POLQ: variants seen among roughly 807,000 people sequenced by gnomAD.
POLQ encodes epididymis secretory sperm binding protein.
A neutral mutation model predicts 259.2 loss-of-function variants in POLQ; 233 were observed. That is an observed-to-expected ratio of 0.90 (90% CI 0.81 to 1.00). The LOEUF is 1.00. POLQ is among the 50% of genes least tolerant of loss of function. POLQ has a pLI of 0.00. For synonymous variants in POLQ, 1,025 were observed against 1,048.8 expected, an observed-to-expected ratio of 0.98 and a Z score of 0.44; for missense variants, 2,871 against 3,051.6, an observed-to-expected ratio of 0.94 and a Z score of 1.39.
chr3:121,469,687 A>G (rs1276608811), intron 22 of POLQ, among the ~76,000 whole-genome samples: 2 of 152,194 alleles, frequency 1.3e-5, no homozygotes, highest in Non-Finnish European at 2.9e-5. Context: ...ACTCTGGTCT[A>G]TTAGTTGAAT....
At chr3:121,450,116 C>T (rs1277067432) in intron 25 of POLQ, among the ~76,000 whole-genome samples, 1 of 152,140 alleles carries the variant, frequency 6.6e-6, no homozygotes, top group Non-Finnish European at 1.5e-5. Context: ...CAATTTGTAT[C>T]TTAATTTCTT....
Position 121,488,353 on chromosome 3 carries a change from C to G in POLQ, c.4578G>C (p.Leu1526=), listed in dbSNP as rs1015228755. ...TTTTAATTAGGTCTTCTTGTAGACA[C>G]AGAGAATCACTAAAATGGTTTGATG... ...EVTSNHFSDS[L]CLQEDLIKKS... The change falls in exon 16 of 30, where the codon CTG becomes CTC. Residue 1526 remains leucine, a synonymous_variant. Coordinates refer to ENST00000264233, the MANE Select transcript of POLQ (RefSeq NM_199420.4). 2.5e-6 allele frequency: 4 copies of G among 1,612,652 alleles called. No homozygotes were observed. The South Asian group carries it at 4.4e-5, about 18-fold the overall frequency.
At position 121,510,129 on chromosome 3, in the gene POLQ, A is replaced by G. The variant is rs2048242256; in HGVS notation, c.1726T>C (p.Ser576Pro). Residue 576 changes from serine to proline, a missense_variant, in exon 11 of 30, where the codon TCT (serine) becomes CCT (proline). Ser to Pro is a moderately conservative substitution (Grantham distance 74). Around this residue, in one of 3 missense-constraint regions of POLQ, gnomAD observed 783 missense variants for 906.2 expected, o/e 0.86. Transcript: ENST00000264233. ...GCCTCAATCGCTCCAAGCTGAACAG[A>G]CTCTTGATTTCTCTGAATTCCTTGC... The part of the protein sequence containing the change: ...GKQGIQRNQE[S>P]VQLGAIEACV... 1.2e-6 allele frequency: 2 copies of G among 1,613,838 alleles called. No individual in the cohort carries two copies. Among genetic ancestry groups the G allele is most frequent in the East Asian group, 4.5e-5 (2 of 44,866 alleles).
intron 26 of POLQ, among the ~76,000 whole-genome samples, chr3:121,446,865 A>G (rs2047636082): frequency 6.6e-6 from 1 of 152,148 alleles, no homozygotes; most frequent in South Asian, 2.1e-4. Context: ...TGTAGGGAAC[A>G]GATCATTGGG....
chr3:121,510,362 G>A (rs1449917898), intron 10 of POLQ, 119 bp from the exon 11 acceptor site: 4 of 660,842 alleles, frequency 6.1e-6, no homozygotes, highest in African/African-American at 1.8e-5. Context: ...CGGATCACGA[G>A]GTCTGGAGAT....
chr3:121,533,205 C>A lies in POLQ; in HGVS notation c.745G>T (p.Ala249Ser). The A allele has an allele frequency of 3.2e-6, 5 of 1,551,478 alleles. No individual in the cohort carries two copies. Among genetic ancestry groups the A allele is most frequent in the Non-Finnish European group, 4.4e-6 (5 of 1,147,492 alleles). Residue 249 changes from alanine (A) to serine (S), a missense_variant, in exon 6 of 30, where the codon GCA becomes TCA. Coordinates refer to ENST00000264233, the MANE Select transcript of POLQ (RefSeq NM_199420.4). The part of the protein sequence containing the change: ...YITRKSASCQ[A>S]DLASSLSNAV... The stretch of plus-strand genomic sequence containing the variant: ...TTAGACAGAGAACTGGCTAGATCTG[C>A]CTGACTGTAAAAAAACAAATGAAAA...
intron 9 of POLQ, among the ~76,000 whole-genome samples, chr3:121,519,402 G>A (rs1165902923): frequency 6.9e-6 from 1 of 144,726 alleles, no homozygotes; most frequent in Non-Finnish European, 1.5e-5. Flanking sequence ...TATGCCAGGC[G>A]CGGTGGCTCA....
In POLQ at chr3:121,467,594, G is replaced by T. The variant is rs749996073; in HGVS notation, c.6892C>A (p.Gln2298Lys). Residue 2298 changes from glutamine (Q) to lysine (K), a missense_variant, in exon 24 of 30, where the codon CAG becomes AAG. Gln to Lys is a moderately conservative substitution (Grantham distance 53). Around this residue, in one of 3 missense-constraint regions of POLQ, gnomAD observed 2,080 missense variants for 2,126.0 expected, o/e 0.98. Transcript: ENST00000264233. ...GFSVNPRCQA[Q>K]MEERAADRGM... ...CTGTCTGCAGCTCTCTCCTCCATCT[G>T]TGCCTGGCATCTAGGATTCACGCTG... 5.0e-6 allele frequency: 8 copies of T among 1,613,692 alleles called. No individual in the cohort carries two copies. Among genetic ancestry groups the T allele is most frequent in the Non-Finnish European group, 6.8e-6 (8 of 1,179,630 alleles).
chr3:121,520,230 T>C (rs2048328352), intron 8 of POLQ, 147 bp from the exon 9 acceptor site: 1 of 629,274 alleles, frequency 1.6e-6, no homozygotes. Context: ...GTCATCACAG[T>C]CTATCTCTTT....
intron 12 of POLQ, among the ~76,000 whole-genome samples, chr3:121,503,185 C>G (rs2048185719): frequency 6.6e-6 from 1 of 152,172 alleles, no homozygotes; most frequent in Admixed American, 6.5e-5. Flanking sequence ...CATTGTATTA[C>G]AACTGCCTAC....
intron 7 of POLQ, among the ~76,000 whole-genome samples, chr3:121,523,814 T>A (rs1330481411): frequency 6.6e-6 from 1 of 152,214 alleles, no homozygotes; most frequent in East Asian, 1.9e-4. Flanking sequence ...TATATTTAAA[T>A]ATGTACCTTA....
At chr3:121,447,006 C>G (rs2047637207) in intron 26 of POLQ, among the ~76,000 whole-genome samples, 1 of 151,690 alleles carries the variant, frequency 6.6e-6, no homozygotes, top group South Asian at 2.1e-4. Flanking sequence ...ACTGGTTGTT[C>G]CATGGTTTTT....
chr3:121,433,032 T>A lies in POLQ; in HGVS notation c.7545A>T (p.Gly2515=). The A allele has an allele frequency of 5.1e-6, 8 of 1,579,208 alleles. No individual in the cohort carries two copies. The highest frequency in any genetic ancestry group is 7.0e-6 in the Non-Finnish European group (8 of 1,148,386). ...CTTGCAGTTTTCTCTTTCGTGACAA[T>A]CCTACTTCATGAAAAAGGAGCAAAA... is the stretch of plus-strand genomic sequence containing the variant. The part of the protein sequence containing the change: ...REGMLQSDQT[G]LSRKRKLQGM... The change falls in exon 29 of 30, where the codon GGA becomes GGT. Residue 2515 remains glycine (G), a splice_region_variant and synonymous_variant. Transcript: ENST00000264233.
At position 121,529,677 on chromosome 3, in the gene POLQ, C is replaced by T. The variant is rs755957380; in HGVS notation, c.1076G>A (p.Arg359Gln). Residue 359 changes from arginine to glutamine, a missense_variant, in exon 7 of 30, where the codon CGA (arginine) becomes CAA (glutamine). By Grantham distance (43) the Arg-to-Gln change is conservative. Transcript: ENST00000264233. The stretch of plus-strand genomic sequence containing the variant: ...TTGATGATGTAGATTATAAAACTCT[C>T]GAGCAATGATATCTGCCAGCTTCTC... ...WCEKLADIIA[R>Q]EFYNLHHQAE... 9.3e-6 allele frequency: 15 copies of T among 1,613,450 alleles called. No individual in the cohort carries two copies. Among genetic ancestry groups the T allele is most frequent in the African/African-American group, 2.7e-5 (2 of 74,900 alleles).
intron 9 of POLQ, among the ~76,000 whole-genome samples, chr3:121,518,747 T>G (rs2048315506): frequency 8.4e-6 from 1 of 119,368 alleles, no homozygotes; most frequent in Admixed American, 9.4e-5. Context: ...CACAGAACTG[T>G]TTGCCTGTTT....
Position 121,481,714 on chromosome 3 carries a change from C to G in POLQ, c.6069G>C (p.Met2023Ile). 6.2e-7 allele frequency: 1 copy of G among 1,614,110 alleles called. No homozygotes were observed. Residue 2023 changes from methionine to isoleucine, a missense_variant, in exon 19 of 30, where the codon ATG becomes ATC. Physicochemically the swap from Met to Ile is conservative, Grantham distance 10 (BLOSUM62 1). This residue lies in a region of POLQ where 2,080 missense variants were observed against 2,126.0 expected (regional missense o/e 0.98). Transcript: ENST00000264233. ...GGCTTTGAATCCCTTGGCTGGTCTC[C>G]ATCCCTTCTAGGAGTGGAAGCTCAT... is the stretch of plus-strand genomic sequence containing the variant. ...LPHELPLLEG[M>I]ETSQGIQSLG...
At position 121,529,682 on chromosome 3, in the gene POLQ, A is replaced by G; in HGVS notation, c.1071T>C (p.Ile357=). 4 of 1,613,698 alleles carry G rather than the reference A, an allele frequency of 2.5e-6. No homozygotes were observed. Among genetic ancestry groups the G allele is most frequent in the Non-Finnish European group, 3.4e-6 (4 of 1,179,784 alleles). The change falls in exon 7 of 30, where the codon ATT becomes ATC. Residue 357 remains isoleucine (I), a synonymous_variant. Transcript: ENST00000264233. ...KKWCEKLADI[I]AREFYNLHHQ... ...GATGTAGATTATAAAACTCTCGAGC[A>G]ATGATATCTGCCAGCTTCTCACACC...
intron 16 of POLQ, among the ~76,000 whole-genome samples, chr3:121,487,085 T>C (rs2048018063): frequency 6.6e-6 from 1 of 152,142 alleles, no homozygotes; most frequent in South Asian, 2.1e-4. Flanking sequence ...TATTCTAATA[T>C]ATATTACATG....
intron 9 of POLQ, among the ~76,000 whole-genome samples, chr3:121,513,125 C>T (rs891437642): frequency 2.0e-5 from 3 of 148,856 alleles, no homozygotes; most frequent in Non-Finnish European, 4.5e-5. Flanking sequence ...ATGAAGAATA[C>T]TTTTTTTTTT....
Sources: allele counts gnomAD v4.1 joint callset (sites outside exome capture counted in the v4.1 genomes callset), GRCh38; gene constraint gnomAD v4.1.1; regional missense constraint gnomAD v4.1.1; transcripts MANE v1.5; gene names NCBI Gene and HGNC (gene_info 2026-07-23, HGNC 2026-07-21).